The following PRELID2 variants were observed in gnomAD, a reference collection of about 807,000 sequenced individuals.
PRELID2 encodes PRELI domain-containing protein 2.
In PRELID2, 25 loss-of-function variants were observed where a neutral mutation model predicts 28.4. That is an observed-to-expected ratio of 0.88 (90% confidence interval 0.64 to 1.23). The LOEUF (loss-of-function observed/expected upper bound fraction) is 1.23. PRELID2 is among the 50% of genes most tolerant of loss of function. The pLI is 0.00. For missense variants in PRELID2, 201 were observed against 214.4 expected, an observed-to-expected ratio of 0.94 and a Z score of 0.39; for synonymous variants, 76 against 71.6, an observed-to-expected ratio of 1.06 and a Z score of -0.31.
chr5:145,527,503 T>C (rs1376192098), intron 1 of PRELID2, among the ~76,000 whole-genome samples: 1 of 152,216 alleles, frequency 6.6e-6, no homozygotes, highest in East Asian at 1.9e-4. Context: ...CAAAATAATC[T>C]TACTTATTGC....
At chr5:145,784,929 TA>T (rs1329743609) in intron 5 of PRELID2, among the ~76,000 whole-genome samples, 1 of 151,958 alleles carries the variant, frequency 6.6e-6, no homozygotes, top group African/African-American at 2.4e-5. Context: ...GCACTTTAAT[TA>T]AAAATTGAAA....
At chr5:145,281,524 T>A in the PRELID2 span, among the ~76,000 whole-genome samples, 1 of 152,212 alleles carries the variant, frequency 6.6e-6, no homozygotes, top group Non-Finnish European at 1.5e-5. Context: ...GCATGTTACC[T>A]GCCTGGGTTA....
intron 1 of PRELID2, among the ~76,000 whole-genome samples, chr5:145,569,554 A>C (rs1482997557): frequency 1.3e-5 from 2 of 152,230 alleles, no homozygotes; most frequent in Admixed American, 1.3e-4. Flanking sequence ...TTTAAGAGAA[A>C]ACAAGAATGC....
the PRELID2 span, among the ~76,000 whole-genome samples, chr5:145,421,780 G>C: frequency 3.7e-5 from 5 of 133,912 alleles, no homozygotes; most frequent in East Asian, 1.0e-3. Context: ...GCTAGCTTTT[G>C]AATGTGTTTG....
At chr5:145,676,240 A>AC (rs1408628943) in intron 1 of PRELID2, among the ~76,000 whole-genome samples, 2,675 of 147,794 alleles carry the variant, frequency 0.018, 128 homozygotes, top group African/African-American at 0.064. Flanking sequence ...AAAAAAAAAA[A>AC]AATAATGTGT....
At chr5:145,391,597 C>T in the PRELID2 span, among the ~76,000 whole-genome samples, 1 of 152,102 alleles carries the variant, frequency 6.6e-6, no homozygotes, top group Non-Finnish European at 1.5e-5. Context: ...AGATATTTTC[C>T]CCATTGTCTT....
At chr5:145,428,915 G>A in the PRELID2 span, among the ~76,000 whole-genome samples, 35 of 81,286 alleles carry the variant, frequency 4.3e-4, no homozygotes, top group East Asian at 6.1e-3. Context: ...GCAATAAGGA[G>A]GCCAGTGTGG....
chr5:145,332,339 T>C, the PRELID2 span, among the ~76,000 whole-genome samples: 1 of 152,240 alleles, frequency 6.6e-6, no homozygotes, highest in Non-Finnish European at 1.5e-5. Context: ...GAAGTTCTCC[T>C]GGATAATATC....
chr5:145,534,945 G>C (rs1245689322), intron 1 of PRELID2, among the ~76,000 whole-genome samples: 1 of 151,878 alleles, frequency 6.6e-6, no homozygotes, highest in Non-Finnish European at 1.5e-5. Context: ...GCTGATCTAA[G>C]ACTAACATTT....
the PRELID2 span, among the ~76,000 whole-genome samples, chr5:145,340,286 G>T: frequency 6.6e-6 from 1 of 152,078 alleles, no homozygotes; most frequent in African/African-American, 2.4e-5. Context: ...CATAAGCACC[G>T]GCCTGCCCAA....
chr5:145,518,356 A>G (rs1053050114), intron 1 of PRELID2, among the ~76,000 whole-genome samples: 3 of 151,726 alleles, frequency 2.0e-5, no homozygotes, highest in Admixed American at 6.6e-5. Flanking sequence ...TGCACCACCA[A>G]GCCCAGCTAA....
the PRELID2 span, among the ~76,000 whole-genome samples, chr5:145,347,762 G>A: frequency 2.6e-5 from 4 of 152,006 alleles, no homozygotes; most frequent in African/African-American, 4.8e-5. Flanking sequence ...TACTGTAGTG[G>A]TAGATAATAT....
the PRELID2 span, among the ~76,000 whole-genome samples, chr5:145,331,480 A>G: frequency 6.6e-6 from 1 of 152,236 alleles, no homozygotes; most frequent in East Asian, 1.9e-4. Flanking sequence ...TATATTTAGT[A>G]TAGTTAGCTC....
the PRELID2 span, among the ~76,000 whole-genome samples, chr5:145,360,865 A>T: frequency 1.3e-5 from 2 of 152,198 alleles, no homozygotes; most frequent in Admixed American, 1.3e-4. Context: ...AAGCTGGCAT[A>T]TAAGTAAATA....
the PRELID2 span, among the ~76,000 whole-genome samples, chr5:145,363,944 A>G: frequency 6.6e-6 from 1 of 151,956 alleles, no homozygotes; most frequent in African/African-American, 2.4e-5. Context: ...TTTGGAGAAA[A>G]AAATCTTCTT....
chr5:145,440,515 T>G, the PRELID2 span, among the ~76,000 whole-genome samples: 1 of 152,170 alleles, frequency 6.6e-6, no homozygotes, highest in African/African-American at 2.4e-5. Context: ...TTAACAAGGT[T>G]TGATTTCCAC....
chr5:145,462,424 A>G, the PRELID2 span, among the ~76,000 whole-genome samples: 1 of 152,366 alleles, frequency 6.6e-6, no homozygotes, highest in Admixed American at 6.5e-5. Flanking sequence ...AAGCTGATTT[A>G]ACTTTACATT....
In PRELID2 at chr5:145,589,786, AT is replaced by A. The variant is rs1471495302; in HGVS notation, n.71-116472del. Among the ~76,000 whole-genome samples the A allele has an allele frequency of 2.6e-5, 4 of 151,994 alleles. No individual in the cohort carries two copies. The South Asian group carries it at 6.2e-4, about 24-fold the overall frequency. ...TTTCCTACACTAAACTCATATACAT[AT>A]TTTTCCATGTTTCCTTCTAGTATTT... On this transcript the variant is annotated intron_variant and non_coding_transcript_variant, in intron 1 of 2. Coordinates refer to the PRELID2 transcript ENST00000510259.
At chr5:145,739,305 A>G (rs1028700916) in intron 1 of PRELID2, among the ~76,000 whole-genome samples, 1 of 152,174 alleles carries the variant, frequency 6.6e-6, no homozygotes, top group African/African-American at 2.4e-5. Flanking sequence ...GGAATTTAAG[A>G]CTACCCCGGC....
Sources: gnomAD v4.1 joint callset for allele counts (sites outside exome capture counted in the v4.1 genomes callset) on GRCh38, gnomAD v4.1.1 for gene constraint, MANE v1.5 for transcripts, NCBI Gene and HGNC (gene_info 2026-07-23, HGNC 2026-07-21) for gene names.